The following EML6 variants were observed in gnomAD, a reference collection of about 807,000 sequenced individuals.
EML6 encodes echinoderm microtubule-associated protein-like 6.
A neutral mutation model predicts 240.1 loss-of-function variants in EML6; 154 were observed. The ratio of observed to expected loss-of-function variants is 0.64; its 90% CI spans 0.56 to 0.73. The LOEUF is 0.73. Among genes scored for constraint, EML6 ranks in the 30% least tolerant of loss-of-function variants. The probability of loss-of-function intolerance (pLI) is 0.00; values close to 1 mark genes in which losing one functional copy is unlikely to be tolerated. For missense variants in EML6, 2,964 were observed against 2,474.6 expected (o/e 1.20, Z -4.20); for synonymous variants, 1,148 against 899.0 (o/e 1.28, Z -4.95).
At chr2:54,920,649 T>G (rs1366336415) in intron 26 of EML6, among the ~76,000 whole-genome samples, 1 of 152,174 alleles carries the variant, frequency 6.6e-6, no homozygotes, top group African/African-American at 2.4e-5. Context: ...AGGGAACACT[T>G]TTAAACTCTT....
intron 40 of EML6, 134 bp from the exon 41 acceptor site, chr2:54,968,534 G>A (rs1676850191): frequency 1.5e-6 from 1 of 683,288 alleles, no homozygotes; most frequent in South Asian, 1.8e-5. Flanking sequence ...CTGGCTAATA[G>A]ATGAGTCCAG....
chr2:54,911,844 T>G (rs1419744905), intron 25 of EML6, among the ~76,000 whole-genome samples: 1 of 152,372 alleles, frequency 6.6e-6, no homozygotes, highest in South Asian at 2.1e-4. Flanking sequence ...CATACACGAT[T>G]TTTTAGTTGC....
intron 24 of EML6, among the ~76,000 whole-genome samples, chr2:54,904,040 T>A (rs1170224547): frequency 6.6e-6 from 1 of 152,214 alleles, no homozygotes; most frequent in African/African-American, 2.4e-5. Context: ...ATTTGTCTAT[T>A]TAATAACTCT....
At chr2:54,893,485 T>C (rs1158176233) in intron 19 of EML6, among the ~76,000 whole-genome samples, 1 of 152,174 alleles carries the variant, frequency 6.6e-6, no homozygotes, top group Non-Finnish European at 1.5e-5. Flanking sequence ...GGCAGACCCC[T>C]CATGGTCTAG....
At chr2:54,899,436 C>T (rs1308377312) in intron 21 of EML6, among the ~76,000 whole-genome samples, 4 of 152,180 alleles carry the variant, frequency 2.6e-5, no homozygotes, top group Admixed American at 2.6e-4. Context: ...AATGATTTAG[C>T]ATCGTGTAGG....
intron 24 of EML6, among the ~76,000 whole-genome samples, chr2:54,908,859 A>G (rs967419974): frequency 2.0e-5 from 3 of 152,128 alleles, no homozygotes; most frequent in African/African-American, 7.2e-5. Flanking sequence ...TCCAGGATCA[A>G]CATCTGCCCG....
intron 2 of EML6, among the ~76,000 whole-genome samples, chr2:54,750,571 C>T (rs1488646608): frequency 6.6e-6 from 1 of 152,176 alleles, no homozygotes; most frequent in African/African-American, 2.4e-5. Context: ...TCAGTAGTAT[C>T]TTAGACTCTC....
At chr2:54,912,626 A>C (rs549025411) in intron 25 of EML6, among the ~76,000 whole-genome samples, 1 of 152,238 alleles carries the variant, frequency 6.6e-6, no homozygotes, top group South Asian at 2.1e-4. Flanking sequence ...GTGTGTACCC[A>C]ATGCTTTATT....
At position 54,918,650 on chromosome 2, in the gene EML6, A is replaced by G. The variant is rs575985471; in HGVS notation, c.3675+1715A>G. 8.5e-4 allele frequency among the ~76,000 whole-genome samples: 129 copies of G among 152,262 alleles called. 2 individuals are homozygous for G. The highest frequency in any genetic ancestry group is 2.9e-3 in the African/African-American group (121 of 41,520). On this transcript the variant is annotated intron_variant, in intron 26 of 41. Coordinates refer to ENST00000356458, the MANE Select transcript of EML6 (RefSeq NM_001039753.4). ...TCATGAGCCACCATACCCAGCTGTC[A>G]TTCTGTTTATTAATCTACACGTTGT... is the stretch of plus-strand genomic sequence containing the variant.
intron 11 of EML6, among the ~76,000 whole-genome samples, chr2:54,855,129 G>C (rs980457864): frequency 6.6e-6 from 1 of 152,190 alleles, no homozygotes; most frequent in Non-Finnish European, 1.5e-5. Context: ...TTACATTGCT[G>C]TAAAGAAGTA....
chr2:54,833,739 A>T (rs1203503843), intron 7 of EML6, among the ~76,000 whole-genome samples: 1 of 152,170 alleles, frequency 6.6e-6, no homozygotes, highest in Admixed American at 6.5e-5. Context: ...GAGTTATTGC[A>T]TTTTTGCTGA....
intron 19 of EML6, 64 bp from the exon 20 acceptor site, chr2:54,894,851 G>A: frequency 8.9e-7 from 1 of 1,128,134 alleles, no homozygotes; most frequent in Non-Finnish European, 1.3e-6. Context: ...GAATCCTCCT[G>A]GGGCCAAGTG....
intron 2 of EML6, among the ~76,000 whole-genome samples, chr2:54,742,129 G>T (rs571903854): frequency 2.0e-5 from 3 of 152,276 alleles, no homozygotes; most frequent in Admixed American, 2.0e-4. Context: ...TCTGCTCTAT[G>T]CTAGCACTGG....
chr2:54,863,706 GA>G, intron 12 of EML6, 76 bp from the exon 13 acceptor site: 1 of 741,240 alleles, frequency 1.3e-6, no homozygotes, highest in Non-Finnish European at 2.3e-6. Flanking sequence ...AGGATAAAAG[GA>G]AAAATATTTT....
chr2:54,823,369 A>T (rs1668419826), intron 5 of EML6, among the ~76,000 whole-genome samples: 1 of 152,090 alleles, frequency 6.6e-6, no homozygotes, highest in Non-Finnish European at 1.5e-5. Flanking sequence ...CACCCATGGA[A>T]GTGTGAGACT....
chr2:54,785,528 A>G (rs1669043946), intron 2 of EML6, among the ~76,000 whole-genome samples: 2 of 152,166 alleles, frequency 1.3e-5, no homozygotes, highest in Non-Finnish European at 2.9e-5. Context: ...GTTCACCACA[A>G]TAGCAAAGTA....
chr2:54,801,350 T>A (rs535288936), intron 2 of EML6, among the ~76,000 whole-genome samples: 14 of 151,226 alleles, frequency 9.3e-5, no homozygotes, highest in African/African-American at 3.4e-4. Flanking sequence ...CTCATTGGAA[T>A]TGAAAATTTC....
intron 2 of EML6, among the ~76,000 whole-genome samples, chr2:54,803,297 A>G (rs762638499): frequency 6.6e-6 from 1 of 152,226 alleles, no homozygotes; most frequent in Non-Finnish European, 1.5e-5. Flanking sequence ...AAACTGGTCA[A>G]TTAGTCAAAC....
chr2:54,856,462 G>T (rs1443167322), intron 11 of EML6, among the ~76,000 whole-genome samples: 1 of 152,180 alleles, frequency 6.6e-6, no homozygotes, highest in Non-Finnish European at 1.5e-5. Flanking sequence ...AAATGGACTT[G>T]TGTTGTACAT....
Sources: allele counts gnomAD v4.1 joint callset (sites outside exome capture counted in the v4.1 genomes callset), GRCh38; gene constraint gnomAD v4.1.1; transcripts MANE v1.5; gene names NCBI Gene and HGNC (gene_info 2026-07-23, HGNC 2026-07-21).